Variants in NEU4 observed in about 807,000 individuals in gnomAD.
The protein encoded by NEU4 is neuraminidase 4.
NEU4 carries 7 observed loss-of-function variants against 9.9 expected under a neutral mutation model. The observed-to-expected ratio is 0.71, with a 90% CI of 0.40 to 1.33. The LOEUF (loss-of-function observed/expected upper bound fraction) is 1.33. Among genes scored for constraint, NEU4 ranks in the 40% most tolerant of loss-of-function variants. The pLI is 0.01. For synonymous variants in NEU4, 348 were observed against 316.9 expected (o/e 1.10, Z -1.04); for missense variants, 717 against 712.6 (o/e 1.01, Z -0.07).
intron 1 of NEU4, chr2:241,813,300 T>C: frequency 9.7e-7 from 1 of 1,034,312 alleles, no homozygotes; most frequent in Non-Finnish European, 1.2e-6. Flanking sequence ...GTGTCCGGCA[T>C]CCGGCCATCT....
intron 1 of NEU4, chr2:241,810,494 T>G (rs1394939380): frequency 6.6e-6 from 1 of 152,294 alleles, no homozygotes; most frequent in Non-Finnish European, 1.5e-5. Flanking sequence ...GCCCCAGGTT[T>G]CAGAAGCAGC....
Position 241,816,496 on chromosome 2 carries a change from G to C in NEU4, c.903G>C (p.Gly301=). 8 of 1,610,176 alleles carry C rather than the reference G, an allele frequency of 5.0e-6. No homozygotes were observed. Among genetic ancestry groups the C allele is most frequent in the Non-Finnish European group, 5.1e-6 (6 of 1,179,184 alleles). The change falls in exon 4 of 4, where the codon GGG becomes GGC. Residue 301 remains glycine, a synonymous_variant. Transcript: ENST00000407683. ...PRDDSWSVGP[G]SPLQPPLLGP... is the part of the protein sequence containing the mutation. ...ATGACAGTTGGTCAGTGGGCCCCGG[G>C]AGTCCCCTCCAGCCTCCACTCCTCG...
rs35080591 is a variant in NEU4, at chr2:241,811,910, C to T, written c.-3-2572C>T. ...CCCTGGCCAGGGCCCAGGACGCTCA[C>T]GGTGCAGGCTGAGGGTCAGAGCCGC... On this transcript the variant is annotated intron_variant, in intron 1 of 3. Coordinates refer to ENST00000407683, the MANE Select transcript of NEU4 (RefSeq NM_001167600.3). The T allele has an allele frequency of 0.042, 7,155 of 169,410 alleles. 1,070 individuals carry two copies. In the East Asian group the frequency reaches 0.48, roughly 11 times the overall value. The allele number at this position is 169,410 out of a possible 1,614,324, so 10.5% of individuals were successfully genotyped here. A position where few individuals can be genotyped will look rare whatever the true frequency, so the allele number is the denominator to read the frequency against.
chr2:241,813,519 TC>T, intron 1 of NEU4: 1 of 1,222,302 alleles, frequency 8.2e-7, no homozygotes, highest in Non-Finnish European at 1.1e-6. Flanking sequence ...CCCAGGCAGG[TC>T]CCGCCTGCAA....
Position 241,816,618 on chromosome 2 carries a change from A to G in NEU4, c.1025A>G (p.Asp342Gly), listed in dbSNP as rs1559432665. Residue 342 changes from aspartate to glycine, a missense_variant, in exon 4 of 4, where the codon GAT becomes GGT. By Grantham distance (94) the Asp-to-Gly change is moderately conservative (BLOSUM62 -1). Coordinates refer to ENST00000407683, the MANE Select transcript of NEU4 (RefSeq NM_001167600.3). ...GPFSRLQPRGDGPRQPGPRPG... is the reference protein window; with the variant it reads ...GPFSRLQPRGGGPRQPGPRPG... ...TTCAGCCGTCTGCAGCCTCGGGGGG[A>G]TGGCCCCAGGCAGCCTGGCCCCAGG... The G allele has an allele frequency of 5.7e-6, 9 of 1,571,826 alleles. No individual in the cohort carries two copies. Among genetic ancestry groups the G allele is most frequent in the Non-Finnish European group, 4.3e-6 (5 of 1,161,618 alleles).
chr2:241,811,181 C>G (rs1173253888), intron 1 of NEU4: 2 of 1,230,840 alleles, frequency 1.6e-6, no homozygotes, highest in African/African-American at 3.1e-5. Flanking sequence ...AGGGCGCACC[C>G]CCGTGTCCTC....
At chr2:241,813,315 C>T (rs1012575695) in intron 1 of NEU4, 3 of 1,040,288 alleles carry the variant, frequency 2.9e-6, no homozygotes, top group Non-Finnish European at 3.5e-6. Flanking sequence ...CCATCTCCCT[C>T]CTCCCTCCTT....
intron 1 of NEU4, chr2:241,813,462 C>G (rs1009370939): frequency 1.0e-5 from 12 of 1,158,224 alleles, no homozygotes; most frequent in Admixed American, 4.2e-5. Flanking sequence ...GCTGTGCGTG[C>G]TCACGCTCGG....
At chr2:241,815,399 T>TGTGTATTGATCA (rs1700290548) in intron 3 of NEU4, 1 of 602,782 alleles carries the variant, frequency 1.7e-6, no homozygotes, top group African/African-American at 1.9e-5. Flanking sequence ...CCCAGGCAAA[T>TGTGTATTGATCA]CCCTCTCCCC....
chr2:241,814,821 TG>T, intron 2 of NEU4, 70 bp from the exon 3 acceptor site: 1 of 1,557,962 alleles, frequency 6.4e-7, no homozygotes, highest in South Asian at 1.2e-5. Flanking sequence ...TCAGCGATCC[TG>T]GGTGCCCTGC....
At position 241,816,940 on chromosome 2, in the gene NEU4, G is replaced by C; in HGVS notation, c.1347G>C (p.Glu449Asp). The change falls in exon 4 of 4, where the codon GAG becomes GAC. Residue 449 changes from glutamate (E) to aspartate (D), a missense_variant. Transcript: ENST00000407683. Reference protein sequence around the residue: ...YESGARTSYDEISFCTFSLRE... With the variant: ...YESGARTSYDDISFCTFSLRE... Reference sequence around the variant, plus strand: ...GCGGGGCCAGGACCTCCTATGATGAGATTTCCTTTTGTACATTCTCCCTGC... The same window carrying C: ...GCGGGGCCAGGACCTCCTATGATGACATTTCCTTTTGTACATTCTCCCTGC... The C allele has an allele frequency of 1.2e-6, 2 of 1,612,862 alleles. No homozygotes were observed. The highest frequency in any genetic ancestry group is 2.2e-5 in the East Asian group (1 of 44,848).
In NEU4 at chr2:241,816,663, TG is replaced by T. The variant is rs1194787800; in HGVS notation, c.1074del (p.Ser359ProfsTer38). ...PGPRPGVSGDVGSWTLALPMP... is the reference protein window; with the variant it reads ...PGPRPGVSGDXGSWTLALPMP... The stretch of plus-strand genomic sequence containing the variant: ...CCCAGGCCTGGGGTCAGTGGGGATG[TG>T]GGGTCCTGGACCCTGGCACTCCCCA... On this transcript the variant is annotated frameshift_variant, in exon 4 of 4. Transcript: ENST00000407683. LOFTEE classifies it low-confidence loss of function (END_TRUNC). 3 of 1,529,408 alleles carry T rather than the reference TG, an allele frequency of 2.0e-6. No homozygotes were observed. Among genetic ancestry groups the T allele is most frequent in the Non-Finnish European group, 2.6e-6 (3 of 1,142,098 alleles). 94.7% of individuals were successfully genotyped at this position (1,529,408 alleles called of 1,614,324 possible).
In NEU4 at chr2:241,816,873, C is replaced by T. The variant is rs770027529; in HGVS notation, c.1280C>T (p.Pro427Leu). The T allele has an allele frequency of 2.5e-5, 40 of 1,612,460 alleles. No homozygotes were observed. In the East Asian group the frequency reaches 4.0e-4, roughly 16 times the overall value. The change falls in exon 4 of 4, where the codon CCG becomes CTG. Residue 427 changes from proline to leucine, a missense_variant. Transcript: ENST00000407683. ...TACTCCGACCTGGCGTCCATCGGGC[C>T]GGCCCCTGAGGGGGGCCTGGTTTTT... Reference protein sequence around the residue: ...SGYSDLASIGPAPEGGLVFAC... With the variant: ...SGYSDLASIGLAPEGGLVFAC...
chr2:241,812,208 G>T (rs376833627), intron 1 of NEU4, among the ~76,000 whole-genome samples: 1 of 151,964 alleles, frequency 6.6e-6, no homozygotes, highest in Non-Finnish European at 1.5e-5. Context: ...GCGGGGGTGG[G>T]GGGGGTGGTC....
At chr2:241,815,780 C>T (rs1700305825) in intron 3 of NEU4, 3 of 588,658 alleles carry the variant, frequency 5.1e-6, no homozygotes, top group East Asian at 2.8e-5. Flanking sequence ...CCTCATGCCC[C>T]CCGCCTGCCC....
At chr2:241,811,448 T>C in intron 1 of NEU4, 1 of 1,569,556 alleles carries the variant, frequency 6.4e-7, no homozygotes, top group Non-Finnish European at 8.7e-7. Context: ...TCTGCAGCCT[T>C]CCCAAGGTGG....
At position 241,814,783 on chromosome 2, in the gene NEU4, G is replaced by T. The variant is rs898812108; in HGVS notation, c.201+98G>T. 1.6e-5 allele frequency: 24 copies of T among 1,524,354 alleles called. No individual in the cohort carries two copies. The African/African-American group carries it at 3.0e-4, about 19-fold the overall frequency. 94.4% of individuals were successfully genotyped at this position (1,524,354 alleles called of 1,614,324 possible). ...GCGGGGGTGGCGGCGGCAGGCAGAT[G>T]CCCGAGGTAGAGATGAGCAAACCAG... On this transcript the variant is annotated intron_variant, in intron 2 of 3. Transcript: ENST00000407683.
intron 1 of NEU4, chr2:241,814,120 C>A (rs773192328): frequency 1.7e-6 from 1 of 587,282 alleles, no homozygotes; most frequent in South Asian, 1.5e-5. Flanking sequence ...TCTGGGATGA[C>A]CCTGTGTCCT....
intron 1 of NEU4, chr2:241,811,577 T>A: frequency 1.1e-6 from 1 of 925,560 alleles, no homozygotes; most frequent in Non-Finnish European, 1.5e-6. Flanking sequence ...CTGGGGGTGC[T>A]GGACGAGTCC....
Sources: gnomAD v4.1 joint callset for allele counts (sites outside exome capture counted in the v4.1 genomes callset) on GRCh38, gnomAD v4.1.1 for gene constraint, MANE v1.5 for transcripts, NCBI Gene and HGNC (gene_info 2026-07-23, HGNC 2026-07-21) for gene names.